Variants in TENM2 observed in about 807,000 individuals in gnomAD.
TENM2 encodes teneurin-2.
A neutral mutation model predicts 245.2 loss-of-function variants in TENM2; 52 were observed. The observed-to-expected ratio is 0.21, with a 90% CI of 0.17 to 0.27. TENM2 has a LOEUF of 0.27. Among genes scored for constraint, TENM2 ranks in the 10% least tolerant of loss-of-function variants. TENM2 has a pLI of 1.00. For missense variants in TENM2, 3,046 were observed against 3,666.8 expected (o/e 0.83, Z 4.37); for synonymous variants, 1,363 against 1,438.9 (o/e 0.95, Z 1.19).
intron 2 of TENM2, among the ~76,000 whole-genome samples, chr5:167,634,757 C>A (rs1779087644): frequency 6.6e-6 from 1 of 152,042 alleles, no homozygotes; most frequent in African/African-American, 2.4e-5. Context: ...GTTAAACAAA[C>A]CTTCAGTCTA....
the TENM2 span, among the ~76,000 whole-genome samples, chr5:167,224,513 T>A: frequency 1.3e-5 from 2 of 152,044 alleles, no homozygotes; most frequent in African/African-American, 4.8e-5. Flanking sequence ...TGTGGGCTTA[T>A]TTCTGCATTT....
Position 167,926,188 on chromosome 5 carries a change from T to C in TENM2, c.713-26400T>C, listed in dbSNP as rs776518450. On this transcript the variant is annotated intron_variant, in intron 3 of 28. Coordinates refer to ENST00000518659, the Ensembl canonical transcript of TENM2. The stretch of plus-strand genomic sequence containing the variant: ...TGAATACAATTTTTAGAAATAAAAA[T>C]AGGAAAGAAAGACCCACGTAAAGAT... Among the ~76,000 whole-genome samples, 206 of 152,204 alleles carry C rather than the reference T, an allele frequency of 1.4e-3. 2 individuals are homozygous for C. Among genetic ancestry groups the C allele is most frequent in the Non-Finnish European group, 1.2e-3 (80 of 68,002 alleles).
the TENM2 span, among the ~76,000 whole-genome samples, chr5:167,218,986 T>G: frequency 6.6e-6 from 1 of 152,200 alleles, no homozygotes; most frequent in African/African-American, 2.4e-5. Flanking sequence ...CCTCTGGCTT[T>G]TTTGGGTCTG....
chr5:167,074,540 T>G, the TENM2 span, among the ~76,000 whole-genome samples: 1 of 152,210 alleles, frequency 6.6e-6, no homozygotes, highest in Non-Finnish European at 1.5e-5. Context: ...TGGTGACAAT[T>G]AAATGAGATG....
intron 2 of TENM2, among the ~76,000 whole-genome samples, chr5:167,522,817 C>G (rs1770852619): frequency 1.2e-5 from 1 of 81,866 alleles, no homozygotes; most frequent in South Asian, 5.3e-4. Flanking sequence ...AGGCCTCTGC[C>G]CTATAAAAAA....
In TENM2 at chr5:167,447,875, G is replaced by A. The variant is rs371881599; in HGVS notation, c.502+72402G>A. Among the ~76,000 whole-genome samples the A allele has an allele frequency of 2.6e-3, 393 of 152,262 alleles. 14 individuals carry two copies. In the South Asian group the frequency reaches 0.08, roughly 31 times the overall value. On this transcript the variant is annotated intron_variant, in intron 2 of 28. Transcript: ENST00000518659. ...TCATTGTGACAGAGGCGTTTCCACC[G>A]AGGAAAGTGGCAAGGGTACTCTGAG...
chr5:167,265,470 C>T, the TENM2 span, among the ~76,000 whole-genome samples: 721 of 151,846 alleles, frequency 4.7e-3, 1 homozygote, highest in Non-Finnish European at 8.0e-3. Flanking sequence ...GTTCAGGTGA[C>T]GGTGGCTTCT....
chr5:167,747,794 T>C (rs4479863), intron 2 of TENM2, among the ~76,000 whole-genome samples: 6 of 151,930 alleles, frequency 3.9e-5, no homozygotes, highest in African/African-American at 1.5e-4. Context: ...GGTAATCTTA[T>C]TTCTGACATT....
chr5:167,601,898 A>G (rs1776661705), intron 2 of TENM2, among the ~76,000 whole-genome samples: 1 of 151,958 alleles, frequency 6.6e-6, no homozygotes, highest in South Asian at 2.1e-4. Flanking sequence ...GAGTACATCT[A>G]TTGCTTAATA....
chr5:168,200,877 T>A lies in TENM2; in HGVS notation c.3430+746T>A, dbSNP rs1043591987. 2.0e-5 allele frequency among the ~76,000 whole-genome samples: 3 copies of A among 152,234 alleles called. No individual in the cohort carries two copies. In the East Asian group the frequency reaches 5.8e-4, roughly 29 times the overall value. On this transcript the variant is annotated intron_variant, in intron 17 of 28. Coordinates refer to ENST00000518659, the Ensembl canonical transcript of TENM2. Reference sequence around the variant, plus strand: ...AGGAATTAATTAAAATCCAGAATCCTGTGTTCTCTTCACCAATAGTCGTGT... The same window carrying A: ...AGGAATTAATTAAAATCCAGAATCCAGTGTTCTCTTCACCAATAGTCGTGT...
the TENM2 span, among the ~76,000 whole-genome samples, chr5:167,008,395 G>T: frequency 5.9e-4 from 90 of 152,264 alleles, no homozygotes; most frequent in African/African-American, 2.2e-3. Context: ...TTCCAGCGGT[G>T]GATGAATGTG....
chr5:167,889,430 T>G (rs1774560358), intron 3 of TENM2, among the ~76,000 whole-genome samples: 1 of 152,210 alleles, frequency 6.6e-6, no homozygotes. Context: ...TCCATCTGAT[T>G]GGATACCGTG....
At chr5:167,980,630 TA>T (rs1333507297) in intron 4 of TENM2, among the ~76,000 whole-genome samples, 1 of 152,064 alleles carries the variant, frequency 6.6e-6, no homozygotes, top group Non-Finnish European at 1.5e-5. Flanking sequence ...CTTCTAAGTG[TA>T]AAGGAATGGG....
intron 3 of TENM2, among the ~76,000 whole-genome samples, chr5:167,921,350 G>T (rs1777357418): frequency 6.6e-6 from 1 of 152,220 alleles, no homozygotes; most frequent in Admixed American, 6.5e-5. Flanking sequence ...AGTCTCTAAA[G>T]ACTAGCTGAT....
At chr5:168,149,231 T>C (rs1381557416) in intron 12 of TENM2, among the ~76,000 whole-genome samples, 1 of 152,124 alleles carries the variant, frequency 6.6e-6, no homozygotes, top group East Asian at 1.9e-4. Context: ...TCTCCGCGTC[T>C]CCACTCTCAG....
chr5:167,419,499 C>A lies in TENM2; in HGVS notation c.502+44026C>A, dbSNP rs868725672. Among the ~76,000 whole-genome samples, 12 of 152,188 alleles carry A rather than the reference C, an allele frequency of 7.9e-5. No homozygotes were observed. In the South Asian group the frequency reaches 1.5e-3, roughly 18 times the overall value. On this transcript the variant is annotated intron_variant, in intron 2 of 28. Transcript: ENST00000518659. Reference sequence around the variant, plus strand: ...AAATATAGATAGATAGATAATTGGGCAGATGGGTATTTAGAACGACAAAAT... The same window carrying A: ...AAATATAGATAGATAGATAATTGGGAAGATGGGTATTTAGAACGACAAAAT...
At chr5:168,128,286 A>G (rs555463216) in intron 12 of TENM2, among the ~76,000 whole-genome samples, 12 of 152,298 alleles carry the variant, frequency 7.9e-5, no homozygotes, top group African/African-American at 2.6e-4. Context: ...GAATAATTCA[A>G]AAGACTTTCA....
intron 2 of TENM2, among the ~76,000 whole-genome samples, chr5:167,634,165 A>G (rs1206525655): frequency 6.6e-6 from 1 of 152,198 alleles, no homozygotes; most frequent in Non-Finnish European, 1.5e-5. Flanking sequence ...CTTAAAAACC[A>G]TGGCTTTTGT....
chr5:168,020,026 A>T (rs541546388), intron 5 of TENM2, among the ~76,000 whole-genome samples: 2 of 152,060 alleles, frequency 1.3e-5, no homozygotes, highest in East Asian at 3.9e-4. Flanking sequence ...ATTATATACC[A>T]TGTTCTCTGA....
Sources: gnomAD v4.1 joint callset for allele counts (sites outside exome capture counted in the v4.1 genomes callset) on GRCh38, gnomAD v4.1.1 for gene constraint, MANE v1.5 for transcripts, NCBI Gene and HGNC (gene_info 2026-07-23, HGNC 2026-07-21) for gene names.